The following PCCA variants were observed in gnomAD, a reference collection of about 807,000 sequenced individuals.
The protein encoded by PCCA is propionyl-CoA carboxylase subunit alpha.
PCCA carries 74 observed loss-of-function variants against 101.3 expected under a neutral mutation model. The ratio of observed to expected loss-of-function variants is 0.73; its 90% CI spans 0.61 to 0.89. PCCA has a LOEUF of 0.89. Ranked by LOEUF, PCCA falls within the 40% of genes least tolerant of loss-of-function variation. The pLI, the probability that PCCA is intolerant of heterozygous loss-of-function variation, is 0.00. For synonymous variants in PCCA, 294 were observed against 313.6 expected (o/e 0.94, Z 0.66); for missense variants, 891 against 907.0 (o/e 0.98, Z 0.23).
At chr13:100,121,912 G>C (rs183689041) in intron 4 of PCCA, among the ~76,000 whole-genome samples, 12 of 152,282 alleles carry the variant, frequency 7.9e-5, no homozygotes, top group Non-Finnish European at 1.3e-4. Flanking sequence ...GTGAGAGGAG[G>C]CATCCTTGTC....
intron 19 of PCCA, among the ~76,000 whole-genome samples, chr13:100,420,305 G>T (rs2078661227): frequency 6.6e-6 from 1 of 152,138 alleles, no homozygotes; most frequent in African/African-American, 2.4e-5. Flanking sequence ...AGATATGGTG[G>T]CTCACGTCTG....
chr13:100,501,084 G>C (rs1449699469), intron 21 of PCCA, among the ~76,000 whole-genome samples: 1 of 152,162 alleles, frequency 6.6e-6, no homozygotes, highest in African/African-American at 2.4e-5. Context: ...GGAGGTTGCA[G>C]TGAGCCAAGA....
chr13:100,248,807 C>T (rs535926854), intron 8 of PCCA, among the ~76,000 whole-genome samples: 13 of 152,072 alleles, frequency 8.5e-5, no homozygotes, highest in Admixed American at 2.6e-4. Flanking sequence ...AGTGCAGTGG[C>T]GCGAGCTTGG....
At chr13:100,495,911 C>CT in intron 21 of PCCA, among the ~76,000 whole-genome samples, 1 of 152,300 alleles carries the variant, frequency 6.6e-6, no homozygotes, top group Non-Finnish European at 1.5e-5. Context: ...TAATTTCACC[C>CT]AGAGTCCGCA....
chr13:100,183,742 TGAGTGTAA>T (rs1461269849), intron 6 of PCCA, among the ~76,000 whole-genome samples: 1 of 152,046 alleles, frequency 6.6e-6, no homozygotes, highest in Non-Finnish European at 1.5e-5. Flanking sequence ...GACAGACCTT[TGAGTGTAA>T]GAGTGTAAGA....
At chr13:100,307,332 G>T in intron 15 of PCCA, 72 bp downstream of exon 15, 2 of 1,002,556 alleles carry the variant, frequency 2.0e-6, no homozygotes, top group Non-Finnish European at 3.1e-6. Context: ...TCTGAAACTG[G>T]GCCTTTATCT....
At chr13:100,290,194 A>G (rs754757904) in intron 12 of PCCA, among the ~76,000 whole-genome samples, 3 of 151,244 alleles carry the variant, frequency 2.0e-5, no homozygotes, top group Admixed American at 1.3e-4. Flanking sequence ...AGTTTGCCCA[A>G]TTTTTTTTAT....
intron 9 of PCCA, among the ~76,000 whole-genome samples, chr13:100,262,320 G>A (rs918288794): frequency 2.0e-5 from 3 of 151,994 alleles, no homozygotes; most frequent in African/African-American, 7.3e-5. Flanking sequence ...TTGAAACCCG[G>A]CAGGCAGAGG....
chr13:100,382,818 A>G (rs1446830501), intron 19 of PCCA, among the ~76,000 whole-genome samples: 2 of 152,190 alleles, frequency 1.3e-5, no homozygotes, highest in Non-Finnish European at 2.9e-5. Context: ...AACAATCTGT[A>G]CTTATAAGGG....
chr13:100,481,741 A>G (rs2083957300), intron 21 of PCCA, among the ~76,000 whole-genome samples: 1 of 152,150 alleles, frequency 6.6e-6, no homozygotes, highest in African/African-American at 2.4e-5. Flanking sequence ...CACACTACTC[A>G]GAATGACTCA....
intron 18 of PCCA, among the ~76,000 whole-genome samples, chr13:100,365,396 C>CGATGAGGTGAT (rs2075066626): frequency 3.3e-5 from 5 of 152,154 alleles, no homozygotes; most frequent in African/African-American, 1.2e-4. Context: ...TATAAGGTCC[C>CGATGAGGTGAT]TTTCTGTGGG....
At chr13:100,482,711 C>A (rs2084043946) in intron 21 of PCCA, among the ~76,000 whole-genome samples, 1 of 152,212 alleles carries the variant, frequency 6.6e-6, no homozygotes, top group South Asian at 2.1e-4. Flanking sequence ...GCCTCAGCCT[C>A]CCGAGTTGCT....
At chr13:100,454,233 T>G (rs1464627534) in intron 21 of PCCA, among the ~76,000 whole-genome samples, 1 of 152,190 alleles carries the variant, frequency 6.6e-6, no homozygotes, top group Non-Finnish European at 1.5e-5. Context: ...AATCATAGAT[T>G]CCTTGCCAAT....
chr13:100,200,418 A>C (rs535129114), intron 6 of PCCA, among the ~76,000 whole-genome samples: 1 of 152,070 alleles, frequency 6.6e-6, no homozygotes, highest in East Asian at 1.9e-4. Context: ...GTTCAACTCT[A>C]ATCAGCCATC....
At chr13:100,260,397 GTTTT>G (rs1555397129) in intron 9 of PCCA, among the ~76,000 whole-genome samples, 7 of 149,256 alleles carry the variant, frequency 4.7e-5, no homozygotes, top group Admixed American at 6.6e-5. Context: ...GTGTGTGTGT[GTTTT>G]TTTTTTTTTT....
At chr13:100,522,540 T>G (rs1267560060) in intron 22 of PCCA, among the ~76,000 whole-genome samples, 1 of 152,200 alleles carries the variant, frequency 6.6e-6, no homozygotes, top group Non-Finnish European at 1.5e-5. Context: ...CTCGATGCTG[T>G]GAACGTCCCC....
intron 18 of PCCA, 49 bp from the exon 19 acceptor site, chr13:100,368,422 GA>G (rs1231277359): frequency 9.8e-7 from 1 of 1,025,058 alleles, no homozygotes; most frequent in Admixed American, 1.8e-5. Flanking sequence ...AGTTTATTGA[GA>G]AATAATAATA....
At chr13:100,508,783 CCTTT>C (rs1311787716) in intron 21 of PCCA, among the ~76,000 whole-genome samples, 1 of 152,122 alleles carries the variant, frequency 6.6e-6, no homozygotes, top group African/African-American at 2.4e-5. Context: ...CATCTTTTCT[CCTTT>C]CTATTTGTGT....
intron 11 of PCCA, among the ~76,000 whole-genome samples, chr13:100,270,861 C>G (rs1317482642): frequency 1.3e-5 from 2 of 151,860 alleles, no homozygotes; most frequent in Non-Finnish European, 2.9e-5. Context: ...AGTAAAAAAT[C>G]AGCTGACTGT....
Sources: allele counts gnomAD v4.1 joint callset (sites outside exome capture counted in the v4.1 genomes callset), GRCh38; gene constraint gnomAD v4.1.1; transcripts MANE v1.5; gene names NCBI Gene and HGNC (gene_info 2026-07-23, HGNC 2026-07-21).